TIMD4: variants seen among roughly 807,000 people sequenced by gnomAD.
TIMD4 encodes T cell immunoglobulin and mucin domain containing 4.
Under a neutral mutation model 41.2 loss-of-function variants are expected in TIMD4, and 31 were observed. The ratio of observed to expected loss-of-function variants is 0.75; its 90% CI spans 0.57 to 1.01. The LOEUF (loss-of-function observed/expected upper bound fraction) is 1.01, where lower values mean the gene tolerates loss of function less well. TIMD4 is among the 50% of genes least tolerant of loss of function. The pLI is 0.00. For missense variants in TIMD4, 479 were observed against 472.5 expected (o/e 1.01, Z -0.13); for synonymous variants, 204 against 177.1 (o/e 1.15, Z -1.21).
intron 5 of TIMD4, among the ~76,000 whole-genome samples, chr5:156,931,847 G>GTATGCAAATACTTAAAAATAC (rs1561546117): frequency 2.0e-5 from 3 of 147,612 alleles, no homozygotes; most frequent in South Asian, 2.2e-4. Flanking sequence ...CCTTGGCTAA[G>GTATGCAAATACTTAAAAATAC]ATACTTTCCT....
At chr5:156,938,917 T>C (rs775709113) in intron 5 of TIMD4, among the ~76,000 whole-genome samples, 13 of 152,210 alleles carry the variant, frequency 8.5e-5, no homozygotes, top group Admixed American at 1.3e-4. Context: ...TCCTCGGCCC[T>C]TGTGTGCTTA....
At chr5:156,962,341 A>G (rs1315981076) in intron 1 of TIMD4, among the ~76,000 whole-genome samples, 1 of 152,198 alleles carries the variant, frequency 6.6e-6, no homozygotes, top group Non-Finnish European at 1.5e-5. Context: ...ATCATTGTAC[A>G]TTGTATGTAT....
At chr5:156,920,047 T>C (rs1162113267) in intron 8 of TIMD4, among the ~76,000 whole-genome samples, 1 of 152,204 alleles carries the variant, frequency 6.6e-6, no homozygotes, top group Non-Finnish European at 1.5e-5. Flanking sequence ...GCTGCTTCCA[T>C]GGTCTAACTG....
At chr5:156,954,324 C>T (rs1467301640) in intron 2 of TIMD4, 91 bp downstream of exon 2, 3 of 1,283,690 alleles carry the variant, frequency 2.3e-6, no homozygotes, top group Non-Finnish European at 3.2e-6. Context: ...GTGAAAGCAA[C>T]TCTAACCTCT....
chr5:156,963,206 G>A lies in TIMD4; in HGVS notation c.-8C>T. ...GAGAGGTTCTTTGGACATTTTGACG[G>A]TTGACCGGACCCAGGAGTCTGTCTA... is the stretch of plus-strand genomic sequence containing the variant. On this transcript the variant is annotated 5_prime_UTR_variant, in exon 1 of 9. Transcript: ENST00000274532. The A allele has an allele frequency of 6.2e-7, 1 of 1,614,072 alleles. No individual in the cohort carries two copies. The highest frequency in any genetic ancestry group is 8.5e-7 in the Non-Finnish European group (1 of 1,179,950).
intron 2 of TIMD4, among the ~76,000 whole-genome samples, chr5:156,953,296 T>A (rs931970695): frequency 6.6e-6 from 1 of 152,162 alleles, no homozygotes; most frequent in Non-Finnish European, 1.5e-5. Flanking sequence ...GTATGTAAGT[T>A]CTTAAATTAG....
At chr5:156,958,937 C>T (rs1057034403) in intron 1 of TIMD4, among the ~76,000 whole-genome samples, 2 of 152,138 alleles carry the variant, frequency 1.3e-5, no homozygotes, top group Non-Finnish European at 2.9e-5. Context: ...CAAAACAAGA[C>T]ATAAAATATA....
At position 156,929,144 on chromosome 5, in the gene TIMD4, T is replaced by C. The variant is rs1029394107; in HGVS notation, c.845-2832A>G. On this transcript the variant is annotated intron_variant, in intron 5 of 8. Transcript: ENST00000274532. Reference sequence around the variant, plus strand: ...GGCAACACTGAGAACAAGTTGACTGTGATTTTTCTTCCTTGTGAAAAGTAG... The same window carrying C: ...GGCAACACTGAGAACAAGTTGACTGCGATTTTTCTTCCTTGTGAAAAGTAG... Among the ~76,000 whole-genome samples, 6 of 152,250 alleles carry C rather than the reference T, an allele frequency of 3.9e-5. No homozygotes were observed. In the South Asian group the frequency reaches 6.2e-4, roughly 16 times the overall value.
chr5:156,951,774 G>C lies in TIMD4; in HGVS notation c.417C>G (p.His139Gln), dbSNP rs369211273. Residue 139 changes from histidine (H) to glutamine (Q), a missense_variant, in exon 3 of 9, where the codon CAC becomes CAG. Physicochemically the swap from His to Gln is conservative, Grantham distance 24. Coordinates refer to ENST00000274532, the MANE Select transcript of TIMD4 (RefSeq NM_138379.3). ...TGCGTGTGGTGGTGGTTGCTGTTCT[G>C]TGCGTGGTTGTTGAGGCTGTAACCA... The part of the protein sequence containing the change: ...LNLQRASTTT[H>Q]RTATTTTRRT... 3 of 1,614,052 alleles carry C rather than the reference G, an allele frequency of 1.9e-6. No homozygotes were observed. The highest frequency in any genetic ancestry group is 1.3e-5 in the African/African-American group (1 of 74,988).
At chr5:156,925,868 C>A (rs994774317) in intron 6 of TIMD4, among the ~76,000 whole-genome samples, 1 of 152,156 alleles carries the variant, frequency 6.6e-6, no homozygotes, top group African/African-American at 2.4e-5. Context: ...TAGTCCATCT[C>A]TGCAAACCTC....
chr5:156,962,060 C>T (rs1753074479), intron 1 of TIMD4, among the ~76,000 whole-genome samples: 1 of 151,758 alleles, frequency 6.6e-6, no homozygotes, highest in African/African-American at 2.4e-5. Flanking sequence ...ATGATAGTCA[C>T]TGGAGTCTAC....
chr5:156,919,465 T>C lies in TIMD4; in HGVS notation c.1129A>G (p.Thr377Ala), dbSNP rs754097658. 2.5e-6 allele frequency: 4 copies of C among 1,613,970 alleles called. No individual in the cohort carries two copies. The highest frequency in any genetic ancestry group is 2.5e-6 in the Non-Finnish European group (3 of 1,179,932). Residue 377 changes from threonine to alanine, a missense_variant, in exon 9 of 9, where the codon ACC becomes GCC. By Grantham distance (58) the Thr-to-Ala change is moderately conservative. Coordinates refer to ENST00000274532, the MANE Select transcript of TIMD4 (RefSeq NM_138379.3). ...AACATGCTACTGCGTTGTTAGAGGG[T>C]AAAAAGGCCGTCTTCGTCTTCCCTT... Reference protein sequence around the residue: ...HGREDEDGLFTL With the variant: ...HGREDEDGLFAL
At chr5:156,928,072 G>A (rs1032356453) in intron 5 of TIMD4, among the ~76,000 whole-genome samples, 29 of 152,152 alleles carry the variant, frequency 1.9e-4, no homozygotes, top group Non-Finnish European at 1.6e-4. Context: ...TTGGGAGGCC[G>A]AGGTGGGCAG....
intron 5 of TIMD4, among the ~76,000 whole-genome samples, chr5:156,926,560 G>A (rs1013551660): frequency 6.6e-6 from 1 of 152,194 alleles, no homozygotes; most frequent in Non-Finnish European, 1.5e-5. Flanking sequence ...CAGGCATTGG[G>A]CCAGTAGGCA....
At chr5:156,921,764 G>GTACTT (rs1393996914) in intron 7 of TIMD4, among the ~76,000 whole-genome samples, 5 of 151,846 alleles carry the variant, frequency 3.3e-5, no homozygotes, top group Non-Finnish European at 4.4e-5. Context: ...GTAGGAAATA[G>GTACTT]TACTTTCCTC....
intron 5 of TIMD4, among the ~76,000 whole-genome samples, chr5:156,938,492 G>C (rs1027429885): frequency 2.6e-5 from 4 of 152,074 alleles, no homozygotes; most frequent in Non-Finnish European, 4.4e-5. Flanking sequence ...CCAAGTTCAA[G>C]GTCTTGCTTC....
At chr5:156,946,826 C>A (rs1035559011) in intron 5 of TIMD4, among the ~76,000 whole-genome samples, 1 of 151,870 alleles carries the variant, frequency 6.6e-6, no homozygotes, top group African/African-American at 2.4e-5. Context: ...GTCTCCTTCA[C>A]AGAATTAAAT....
intron 2 of TIMD4, among the ~76,000 whole-genome samples, chr5:156,952,832 T>A (rs1256915525): frequency 6.6e-6 from 1 of 152,244 alleles, no homozygotes; most frequent in East Asian, 1.9e-4. Flanking sequence ...ACTATCACAG[T>A]GTCTTGCATA....
At chr5:156,937,952 A>G (rs1054910715) in intron 5 of TIMD4, among the ~76,000 whole-genome samples, 2 of 152,272 alleles carry the variant, frequency 1.3e-5, no homozygotes, top group Admixed American at 6.5e-5. Context: ...TTTCTTCCTA[A>G]CAATGGCATT....
Sources: allele counts gnomAD v4.1 joint callset (sites outside exome capture counted in the v4.1 genomes callset), GRCh38; gene constraint gnomAD v4.1.1; transcripts MANE v1.5; gene names NCBI Gene and HGNC (gene_info 2026-07-23, HGNC 2026-07-21).